The following BCAS3 variants were observed in gnomAD, a reference collection of about 807,000 sequenced individuals.
BCAS3 encodes the protein BCAS4/BCAS3 fusion.
Under a neutral mutation model 116.1 loss-of-function variants are expected in BCAS3, and 53 were observed. The ratio of observed to expected loss-of-function variants is 0.46; its 90% confidence interval spans 0.37 to 0.57. The LOEUF (loss-of-function observed/expected upper bound fraction) is 0.57, where lower values mean the gene tolerates loss of function less well. BCAS3 is among the 20% of genes least tolerant of loss of function. The probability of loss-of-function intolerance (pLI) is 0.00; values close to 1 mark genes in which losing one functional copy is unlikely to be tolerated. For synonymous variants in BCAS3, 391 were observed against 408.2 expected, an observed-to-expected ratio of 0.96 and a Z score of 0.51; for missense variants, 917 against 1,165.4, an observed-to-expected ratio of 0.79 and a Z score of 3.10.
chr17:60,852,550 G>T (rs78579612), intron 7 of BCAS3, among the ~76,000 whole-genome samples: 4,612 of 152,156 alleles, frequency 0.03, 181 homozygotes, highest in East Asian at 0.092. Context: ...AGGATACATG[G>T]CTTTTTAGAT....
At chr17:60,999,858 G>A (rs554191652) in intron 15 of BCAS3, among the ~76,000 whole-genome samples, 2 of 152,212 alleles carry the variant, frequency 1.3e-5, no homozygotes, top group Admixed American at 1.3e-4. Flanking sequence ...TCCTTGTAGA[G>A]GTCTTTCACC....
chr17:61,273,793 A>T (rs1458548641), intron 22 of BCAS3, among the ~76,000 whole-genome samples: 1 of 147,872 alleles, frequency 6.8e-6, no homozygotes, highest in Admixed American at 6.7e-5. Context: ...CTATTGCTGT[A>T]TCTTCAAGTG....
intron 22 of BCAS3, among the ~76,000 whole-genome samples, chr17:61,296,425 T>C (rs1157476925): frequency 6.6e-6 from 1 of 152,134 alleles, no homozygotes; most frequent in African/African-American, 2.4e-5. Context: ...TTTCCAAACT[T>C]CAGGTTCTCT....
intron 7 of BCAS3, chr17:60,810,222 G>C (rs910075059): frequency 2.3e-6 from 1 of 438,996 alleles, no homozygotes; most frequent in Non-Finnish European, 4.5e-6. Flanking sequence ...TGGGCTCTGT[G>C]CAGGTGCCCA....
intron 5 of BCAS3, among the ~76,000 whole-genome samples, chr17:60,732,317 TTA>T (rs2040539962): frequency 6.6e-6 from 1 of 152,192 alleles, no homozygotes; most frequent in South Asian, 2.1e-4. Flanking sequence ...AACTCTGCAT[TTA>T]TATGTTTAAA....
chr17:61,267,686 C>T (rs1032463659), intron 22 of BCAS3, among the ~76,000 whole-genome samples: 3 of 148,686 alleles, frequency 2.0e-5, no homozygotes, highest in Non-Finnish European at 4.5e-5. Context: ...CGTGCCACTG[C>T]ACTCCAGCCT....
rs543902923 is a variant in BCAS3, at chr17:61,186,859, C to T, written c.2425+102295C>T. 4.6e-5 allele frequency among the ~76,000 whole-genome samples: 7 copies of T among 152,206 alleles called. No homozygotes were observed. The highest frequency in any genetic ancestry group is 1.4e-4 in the African/African-American group (6 of 41,530). On this transcript the variant is annotated intron_variant, in intron 22 of 23. Coordinates refer to ENST00000407086, the MANE Select transcript of BCAS3 (RefSeq NM_017679.5). The surrounding 1 kb of genome is among the most constrained non-coding windows in gnomAD (Gnocchi z 4.9). The stretch of plus-strand genomic sequence containing the variant: ...CCAAGTAGCTGGGAGTACAGGCACC[C>T]GCCACCATGTCCAGCTAATTTTTTG...
Position 61,332,614 on chromosome 17 carries a change from A to G in BCAS3, c.2426-35713A>G, listed in dbSNP as rs1602750620. Among the ~76,000 whole-genome samples the G allele has an allele frequency of 6.6e-6, 1 of 151,870 alleles. No individual in the cohort carries two copies. Among genetic ancestry groups the G allele is most frequent in the African/African-American group, 2.4e-5 (1 of 41,342 alleles). ...GGAATTATTATCCCCATCTTTTATT[A>G]TTATTTTTTTTTATTTTTTGAGATA... is the stretch of plus-strand genomic sequence containing the variant. On this transcript the variant is annotated intron_variant, in intron 22 of 23. Coordinates refer to ENST00000407086, the MANE Select transcript of BCAS3 (RefSeq NM_017679.5). This position sits in a 1 kb window ranked among gnomAD's most constrained non-coding sequence, Gnocchi z 5.4.
chr17:60,706,069 T>G (rs2037084713), intron 4 of BCAS3, among the ~76,000 whole-genome samples: 1 of 151,860 alleles, frequency 6.6e-6, no homozygotes, highest in Admixed American at 6.6e-5. Flanking sequence ...GATGAAGACT[T>G]TTTTTTTATG....
intron 6 of BCAS3, among the ~76,000 whole-genome samples, chr17:60,790,008 GT>G (rs2046621211): frequency 6.6e-6 from 1 of 151,938 alleles, no homozygotes; most frequent in African/African-American, 2.4e-5. Context: ...GTTAGTATTT[GT>G]TTATTGTAGA....
At chr17:60,753,383 T>TTTCATTTA (rs1555694757) in intron 6 of BCAS3, among the ~76,000 whole-genome samples, 1 of 135,610 alleles carries the variant, frequency 7.4e-6, no homozygotes. Context: ...TTGTCTCTTA[T>TTTCATTTA]TTTATTTATT....
intron 19 of BCAS3, among the ~76,000 whole-genome samples, chr17:61,049,486 C>T (rs2068640141): frequency 1.3e-5 from 2 of 151,742 alleles, no homozygotes; most frequent in Admixed American, 1.3e-4. Context: ...GGTGGTGGGA[C>T]AGAAGAAATA....
chr17:60,985,487 G>T (rs1026325473), intron 14 of BCAS3, among the ~76,000 whole-genome samples: 1 of 151,992 alleles, frequency 6.6e-6, no homozygotes, highest in Non-Finnish European at 1.5e-5. Flanking sequence ...ATATGATTAA[G>T]TTATTATTGA....
rs908703555 is a variant in BCAS3 at position 61,222,003 on chromosome 17, T to C, written c.2425+137439T>C. ...GCACAGTACCTGGCACACGGTGACGTGCTTAACAGGGGCTGATATTACTAT... is the reference window on the plus strand; with the variant it reads ...GCACAGTACCTGGCACACGGTGACGCGCTTAACAGGGGCTGATATTACTAT... On this transcript the variant is annotated intron_variant, in intron 22 of 23. Transcript: ENST00000407086. This position sits in a 1 kb window ranked among gnomAD's most constrained non-coding sequence, Gnocchi z 6.1. 2.6e-5 allele frequency among the ~76,000 whole-genome samples: 4 copies of C among 152,214 alleles called. No individual in the cohort carries two copies. Among genetic ancestry groups the C allele is most frequent in the African/African-American group, 9.7e-5 (4 of 41,446 alleles).
chr17:61,086,943 G>C, intron 22 of BCAS3: 1 of 985,266 alleles, frequency 1.0e-6, no homozygotes, highest in African/African-American at 1.7e-5. Flanking sequence ...TACTTTAATA[G>C]GACCAACTGT....
rs2058769517 is a variant in BCAS3, at chr17:61,366,948, G to A, written c.2426-1379G>A. Among the ~76,000 whole-genome samples the A allele has an allele frequency of 6.6e-6, 1 of 152,224 alleles. No individual in the cohort carries two copies. Reference sequence around the variant, plus strand: ...CTGGCCCTCTTTGCTGATGTATGGAGTCACCGGCTGTCGGAGTGTTTACTA... The same window carrying A: ...CTGGCCCTCTTTGCTGATGTATGGAATCACCGGCTGTCGGAGTGTTTACTA... On this transcript the variant is annotated intron_variant, in intron 22 of 23. Transcript: ENST00000407086. This position sits in a 1 kb window ranked among gnomAD's most constrained non-coding sequence, Gnocchi z 4.5.
chr17:61,368,659 C>T lies in BCAS3; in HGVS notation c.2593+165C>T, dbSNP rs1307063751. 6.6e-6 allele frequency among the ~76,000 whole-genome samples: 1 copy of T among 152,236 alleles called. No individual in the cohort carries two copies. Among genetic ancestry groups the T allele is most frequent in the Non-Finnish European group, 1.5e-5 (1 of 68,038 alleles). On this transcript the variant is annotated intron_variant, in intron 23 of 23. Coordinates refer to ENST00000407086, the MANE Select transcript of BCAS3 (RefSeq NM_017679.5). This position sits in a 1 kb window ranked among gnomAD's most constrained non-coding sequence, Gnocchi z 6.0. Reference sequence around the variant, plus strand: ...TGAGGAGCTCTGGTGTTGGGAAACCCTGTGTAAAGGGGAGCTCCCAGTGGA... The same window carrying T: ...TGAGGAGCTCTGGTGTTGGGAAACCTTGTGTAAAGGGGAGCTCCCAGTGGA...
At chr17:60,808,210 A>G (rs901833375) in intron 7 of BCAS3, 134 bp downstream of exon 7, 2 of 645,028 alleles carry the variant, frequency 3.1e-6, no homozygotes, top group Non-Finnish European at 5.2e-6. Flanking sequence ...AGAAAGTAAA[A>G]CATATTTAGG....
chr17:61,261,893 A>C lies in BCAS3; in HGVS notation c.2426-106434A>C, dbSNP rs1458469347. 6.6e-6 allele frequency among the ~76,000 whole-genome samples: 1 copy of C among 152,132 alleles called. No homozygotes were observed. The highest frequency in any genetic ancestry group is 2.4e-5 in the African/African-American group (1 of 41,418). ...ATATAATTATTTAAAGACACATGGA[A>C]GCTGGGGGCAGAGCTTTAGAATTTA... On this transcript the variant is annotated intron_variant, in intron 22 of 23. Transcript: ENST00000407086. The surrounding 1 kb of genome is among the most constrained non-coding windows in gnomAD (Gnocchi z 4.4).
Sources: allele counts gnomAD v4.1 joint callset (sites outside exome capture counted in the v4.1 genomes callset), GRCh38; gene constraint gnomAD v4.1.1; non-coding constraint Gnocchi (gnomAD v3.1); transcripts MANE v1.5; gene names NCBI Gene and HGNC (gene_info 2026-07-23, HGNC 2026-07-21).